The following HMGCLL1 variants were observed in gnomAD, a reference collection of about 807,000 sequenced individuals.
The protein encoded by HMGCLL1 is 3-hydroxy-3-methylglutaryl-CoA lyase like 1.
A neutral mutation model predicts 39.1 loss-of-function variants in HMGCLL1; 36 were observed. That is an observed-to-expected ratio of 0.92 (90% CI 0.71 to 1.22). The LOEUF is 1.22. HMGCLL1 is among the 50% of genes most tolerant of loss of function. HMGCLL1 has a pLI of 0.00. For missense variants in HMGCLL1, 451 were observed against 416.5 expected (o/e 1.08, Z -0.72); for synonymous variants, 149 against 144.0 (o/e 1.03, Z -0.25).
intron 5 of HMGCLL1, chr6:55,513,760 G>A: frequency 2.5e-6 from 1 of 400,164 alleles, no homozygotes; most frequent in Non-Finnish European, 4.3e-6. Flanking sequence ...AGATAAGAGG[G>A]CTGCATTTGG....
intron 1 of HMGCLL1, among the ~76,000 whole-genome samples, chr6:55,560,041 C>T (rs779565648): frequency 6.6e-6 from 1 of 152,096 alleles, no homozygotes; most frequent in Non-Finnish European, 1.5e-5. Flanking sequence ...CGTTCATTCA[C>T]AATTGAGAGT....
chr6:55,610,616 A>G, the HMGCLL1 span, among the ~76,000 whole-genome samples: 2 of 152,166 alleles, frequency 1.3e-5, no homozygotes, highest in Admixed American at 1.3e-4. Flanking sequence ...ACACTTCAGG[A>G]TATCATTCAG....
chr6:55,569,187 A>T (rs1263343283), intron 1 of HMGCLL1, among the ~76,000 whole-genome samples: 1 of 152,172 alleles, frequency 6.6e-6, no homozygotes, highest in Non-Finnish European at 1.5e-5. Context: ...GCAGAACTCT[A>T]GTCTCAACCT....
intron 3 of HMGCLL1, among the ~76,000 whole-genome samples, chr6:55,533,233 T>C (rs1397020843): frequency 6.6e-6 from 1 of 151,008 alleles, no homozygotes; most frequent in Non-Finnish European, 1.5e-5. Flanking sequence ...TATTATTATA[T>C]TATTTTAGTA....
upstream of HMGCLL1, among the ~76,000 whole-genome samples, chr6:55,580,416 T>C (rs1263557841): frequency 8.3e-6 from 1 of 119,986 alleles, no homozygotes; most frequent in African/African-American, 3.3e-5. Flanking sequence ...CTTTTTTTTT[T>C]TTTTTTTTTT....
chr6:55,664,778 G>A, the HMGCLL1 span, among the ~76,000 whole-genome samples: 5 of 151,612 alleles, frequency 3.3e-5, no homozygotes, highest in Non-Finnish European at 5.9e-5. Flanking sequence ...AGGGCTAAAG[G>A]ATACACTTCC....
intron 8 of HMGCLL1, among the ~76,000 whole-genome samples, chr6:55,436,557 C>T (rs1214907189): frequency 1.3e-5 from 2 of 152,028 alleles, no homozygotes; most frequent in Non-Finnish European, 2.9e-5. Context: ...TAAGCACAAA[C>T]TTGCCCTTAT....
the HMGCLL1 span, among the ~76,000 whole-genome samples, chr6:55,590,366 G>A: frequency 6.6e-6 from 1 of 152,066 alleles, no homozygotes; most frequent in Non-Finnish European, 1.5e-5. Context: ...AGCTGATACA[G>A]GATCCCTTCC....
At chr6:55,517,739 A>G (rs1243128518) in intron 3 of HMGCLL1, among the ~76,000 whole-genome samples, 5 of 152,118 alleles carry the variant, frequency 3.3e-5, no homozygotes, top group African/African-American at 1.2e-4. Flanking sequence ...CATCTTGTCA[A>G]CTCTCAAATG....
the HMGCLL1 span, among the ~76,000 whole-genome samples, chr6:55,654,434 A>G: frequency 6.6e-6 from 1 of 151,904 alleles, no homozygotes; most frequent in Non-Finnish European, 1.5e-5. Flanking sequence ...GAAGAACATT[A>G]TATTTTGCAC....
intron 7 of HMGCLL1, among the ~76,000 whole-genome samples, chr6:55,458,080 A>G (rs1369249686): frequency 1.3e-5 from 2 of 152,202 alleles, no homozygotes; most frequent in Admixed American, 1.3e-4. Context: ...TCTAGAAACT[A>G]TTCAATATAT....
At chr6:55,477,593 G>A (rs1407995870) in intron 7 of HMGCLL1, among the ~76,000 whole-genome samples, 4 of 137,352 alleles carry the variant, frequency 2.9e-5, no homozygotes, top group African/African-American at 5.7e-5. Context: ...AAAAAGTACC[G>A]GATGCCTAAA....
At chr6:55,666,456 C>T in the HMGCLL1 span, among the ~76,000 whole-genome samples, 1 of 151,594 alleles carries the variant, frequency 6.6e-6, no homozygotes, top group Non-Finnish European at 1.5e-5. Flanking sequence ...GTTATATTTT[C>T]TTTCCCACCC....
chr6:55,574,786 A>C (rs1386288059), intron 1 of HMGCLL1, among the ~76,000 whole-genome samples: 4 of 152,150 alleles, frequency 2.6e-5, no homozygotes, highest in African/African-American at 9.6e-5. Flanking sequence ...ATTACATTTA[A>C]GCAGAAATAT....
intron 1 of HMGCLL1, among the ~76,000 whole-genome samples, chr6:55,559,885 G>T (rs910727284): frequency 2.0e-5 from 3 of 152,044 alleles, no homozygotes; most frequent in Admixed American, 1.3e-4. Context: ...CTAGCATCAA[G>T]AAGAAAAGCA....
the HMGCLL1 span, among the ~76,000 whole-genome samples, chr6:55,677,656 G>A: frequency 6.6e-6 from 1 of 152,098 alleles, no homozygotes; most frequent in Admixed American, 6.5e-5. Context: ...CTACATTAGG[G>A]TGATACCTGT....
chr6:55,513,460 T>G (rs1767569564), intron 5 of HMGCLL1: 1 of 152,204 alleles, frequency 6.6e-6, no homozygotes, highest in Non-Finnish European at 1.5e-5. Flanking sequence ...ATTTATCTTC[T>G]ATAAGCAATT....
At chr6:55,655,015 C>T in the HMGCLL1 span, among the ~76,000 whole-genome samples, 2 of 151,824 alleles carry the variant, frequency 1.3e-5, no homozygotes, top group Admixed American at 1.3e-4. Flanking sequence ...ATGCAGGCAC[C>T]GAGCACTGTT....
At chr6:55,481,233 T>C (rs764623138) in intron 7 of HMGCLL1, among the ~76,000 whole-genome samples, 1 of 151,666 alleles carries the variant, frequency 6.6e-6, no homozygotes, top group African/African-American at 2.4e-5. Context: ...ACAAAAATTA[T>C]CTAGGTATGG....
Sources: allele counts gnomAD v4.1 joint callset (sites outside exome capture counted in the v4.1 genomes callset), GRCh38; gene constraint gnomAD v4.1.1; transcripts MANE v1.5; gene names NCBI Gene and HGNC (gene_info 2026-07-23, HGNC 2026-07-21).